TAPBPL: variants seen among roughly 807,000 people sequenced by gnomAD.
TAPBPL encodes the protein TAP binding protein like.
Under a neutral mutation model 44.8 loss-of-function variants are expected in TAPBPL, and 32 were observed. That is an observed-to-expected ratio of 0.71 (90% confidence interval 0.54 to 0.96). TAPBPL has a LOEUF of 0.96. Ranked by LOEUF, TAPBPL falls within the 40% of genes least tolerant of loss-of-function variation. The probability of loss-of-function intolerance (pLI) is 0.00; values close to 1 mark genes in which losing one functional copy is unlikely to be tolerated. For synonymous variants in TAPBPL, 230 were observed against 240.7 expected (o/e 0.96, Z 0.41); for missense variants, 520 against 586.6 (o/e 0.89, Z 1.17).
chr12:6,460,588 A>G (rs1949828726), intron 5 of TAPBPL, among the ~76,000 whole-genome samples: 4 of 152,170 alleles, frequency 2.6e-5, no homozygotes, highest in Admixed American at 2.6e-4. Flanking sequence ...TAACAAATAA[A>G]CCCACCTAAA....
At chr12:6,465,266 C>T (rs1010739238), downstream of TAPBPL, 4 of 439,514 alleles carry the variant, frequency 9.1e-6, no homozygotes, top group African/African-American at 8.3e-5. Flanking sequence ...TCAATTTTCA[C>T]TGTGAAGTGT....
In TAPBPL at chr12:6,453,111, C is replaced by T. The variant is rs746769713; in HGVS notation, c.109C>T (p.Leu37=). Residue 37 remains leucine, a synonymous_variant, in exon 2 of 7, where the codon CTA becomes TTA. Coordinates refer to ENST00000266556, the MANE Select transcript of TAPBPL (RefSeq NM_018009.5). The surrounding 1 kb of genome is among the most constrained non-coding windows in gnomAD (Gnocchi z 4.8). ...EGQWRAVDVV[L]DCFLAKDGAH... ...GCAGTGGCGGGCAGTGGACGTGGTC[C>T]TAGACTGCTTCCTGGCGAAGGACGG... The T allele has an allele frequency of 6.3e-7, 1 of 1,583,032 alleles. No homozygotes were observed. Among genetic ancestry groups the T allele is most frequent in the South Asian group, 1.2e-5 (1 of 86,948 alleles).
At chr12:6,461,485 C>T in intron 6 of TAPBPL, 1 of 986,690 alleles carries the variant, frequency 1.0e-6, no homozygotes, top group African/African-American at 1.7e-5. Context: ...GGCTACCCCT[C>T]CCAAACTCAG....
Position 6,453,006 on chromosome 12 carries a change from G to A in TAPBPL, c.65-61G>A, listed in dbSNP as rs942661930. The A allele has an allele frequency of 3.4e-6, 5 of 1,491,596 alleles. No individual in the cohort carries two copies. In the African/African-American group the frequency reaches 5.5e-5, roughly 17 times the overall value. 92.4% of individuals were successfully genotyped at this position (1,491,596 alleles called of 1,614,324 possible). On this transcript the variant is annotated intron_variant, in intron 1 of 6. Transcript: ENST00000266556. This position sits in a 1 kb window ranked among gnomAD's most constrained non-coding sequence, Gnocchi z 4.8. ...ACTCCACAGCTTGAGGGCGGGGGCA[G>A]GAAGCAAGTGTGGAGTAGCTTTCTG...
At position 6,452,080 on chromosome 12, in the gene TAPBPL, C is replaced by T; in HGVS notation, c.-169C>T. 1.3e-6 allele frequency: 1 copy of T among 777,254 alleles called. No individual in the cohort carries two copies. The highest frequency in any genetic ancestry group is 1.7e-5 in the South Asian group (1 of 58,964). The allele number at this position is 777,254 out of a possible 1,614,324, so 48.1% of individuals were successfully genotyped here. On this transcript the variant is annotated 5_prime_UTR_variant, in exon 1 of 7. Coordinates refer to ENST00000266556, the MANE Select transcript of TAPBPL (RefSeq NM_018009.5). ...CAGGGACGCGGGCTGCCATCTTGCT[C>T]TAAGTGAAAGTGAAAGAAAAGTCGG...
At chr12:6,452,789 G>GACTA (rs1275928022) in intron 1 of TAPBPL, among the ~76,000 whole-genome samples, 7 of 152,222 alleles carry the variant, frequency 4.6e-5, no homozygotes, top group African/African-American at 1.7e-4. Context: ...TGAAAAGATA[G>GACTA]TCTTTTATTC....
At chr12:6,459,071 T>C in intron 5 of TAPBPL, 124 bp downstream of exon 5, 1 of 1,123,034 alleles carries the variant, frequency 8.9e-7, no homozygotes. Flanking sequence ...TTCATGCTCC[T>C]GCCTCTGCTC....
downstream of TAPBPL, chr12:6,470,550 G>A (rs575881458): frequency 3.1e-6 from 5 of 1,613,670 alleles, no homozygotes; most frequent in African/African-American, 1.3e-5. Context: ...CAGAGAGAGT[G>A]AGGGTCTGTT....
Position 6,452,183 on chromosome 12 carries a change from C to T in TAPBPL, c.-66C>T, listed in dbSNP as rs1467862381. On this transcript the variant is annotated 5_prime_UTR_variant, in exon 1 of 7. Coordinates refer to ENST00000266556, the MANE Select transcript of TAPBPL (RefSeq NM_018009.5). ...TGGAGAGCCCCCTTCTTCCGCCGGGCCTCGCAAGCAGCGTAGGACTGTGGA... is the reference window on the plus strand; with the variant it reads ...TGGAGAGCCCCCTTCTTCCGCCGGGTCTCGCAAGCAGCGTAGGACTGTGGA... The T allele has an allele frequency of 1.3e-6, 2 of 1,541,232 alleles. No homozygotes were observed. Among genetic ancestry groups the T allele is most frequent in the East Asian group, 2.4e-5 (1 of 41,348 alleles).
At chr12:6,471,958 T>C in the TAPBPL span, among the ~76,000 whole-genome samples, 1 of 152,380 alleles carries the variant, frequency 6.6e-6, no homozygotes, top group East Asian at 1.9e-4. The surrounding 1 kb of genome is among the most constrained non-coding windows in gnomAD (Gnocchi z 4.0). Flanking sequence ...CTCTTGTGCA[T>C]GCATAAAAAG....
intron 3 of TAPBPL, among the ~76,000 whole-genome samples, chr12:6,455,895 G>C (rs1324806415): frequency 2.4e-4 from 36 of 151,744 alleles, no homozygotes; most frequent in Non-Finnish European, 4.4e-5. Flanking sequence ...CAAGTAGCTG[G>C]GATTATAGAC....
the TAPBPL span, among the ~76,000 whole-genome samples, chr12:6,471,660 C>T: frequency 6.6e-6 from 1 of 152,102 alleles, no homozygotes; most frequent in African/African-American, 2.4e-5. This position sits in a 1 kb window ranked among gnomAD's most constrained non-coding sequence, Gnocchi z 4.0. Context: ...AAACCTCTGT[C>T]TCTACTAAAA....
intron 1 of TAPBPL, 69 bp from the exon 2 acceptor site, chr12:6,452,998 C>CG (rs1469949606): frequency 1.9e-5 from 28 of 1,447,042 alleles, no homozygotes; most frequent in Non-Finnish European, 2.4e-5. Flanking sequence ...AGCTTGAGGG[C>CG]GGGGGCAGGA....
chr12:6,465,373 A>ATGTATATATATGTATATATATATATAC, downstream of TAPBPL: 1 of 104,214 alleles, frequency 9.6e-6, no homozygotes, highest in Non-Finnish European at 1.9e-5. Flanking sequence ...TATATATATA[A>ATGTATATATATGTATATATATATATAC]ATGTATATAT....
chr12:6,454,594 G>A (rs1222441804), intron 3 of TAPBPL, among the ~76,000 whole-genome samples: 2 of 152,134 alleles, frequency 1.3e-5, no homozygotes, highest in African/African-American at 4.8e-5. Flanking sequence ...CATCTCACTG[G>A]GCTGCCATGA....
chr12:6,452,381 C>A, intron 1 of TAPBPL, 69 bp downstream of exon 1: 2 of 1,526,602 alleles, frequency 1.3e-6, no homozygotes, highest in East Asian at 2.4e-5. Flanking sequence ...CCACCCTCCC[C>A]GAGATTCCAG....
chr12:6,457,704 T>C lies in TAPBPL; in HGVS notation c.864T>C (p.Ser288=). Residue 288 remains serine, a synonymous_variant, in exon 4 of 7, where the codon TCT becomes TCC. Coordinates refer to ENST00000266556, the MANE Select transcript of TAPBPL (RefSeq NM_018009.5). ...CCTACATTTGCCAGATCACCACCTC[T>C]CTGTACCGAGCTCAGCAGATCATCC... ...EGTYICQITT[S]LYRAQQIIQL... The C allele has an allele frequency of 6.2e-7, 1 of 1,607,750 alleles. No homozygotes were observed. The highest frequency in any genetic ancestry group is 8.5e-7 in the Non-Finnish European group (1 of 1,175,546).
At chr12:6,467,298 C>T (rs1298220673), downstream of TAPBPL, among the ~76,000 whole-genome samples, 1 of 152,078 alleles carries the variant, frequency 6.6e-6, no homozygotes, top group Non-Finnish European at 1.5e-5. Context: ...CAGAAGAAGA[C>T]AGGAAAATGC....
At position 6,458,639 on chromosome 12, in the gene TAPBPL, C is replaced by T. The variant is rs868800086; in HGVS notation, c.905-6C>T. The T allele has an allele frequency of 1.2e-6, 2 of 1,612,140 alleles. No individual in the cohort carries two copies. The highest frequency in any genetic ancestry group is 2.7e-5 in the African/African-American group (2 of 75,012). ...TGTGTAATCTTATTCCTCATTCTTT[C>T]TCCAGCTTCCCCTAAAGTACGACTG... On this transcript the variant is annotated splice_region_variant and splice_polypyrimidine_tract_variant and intron_variant, in intron 4 of 6. Coordinates refer to ENST00000266556, the MANE Select transcript of TAPBPL (RefSeq NM_018009.5).
Sources: allele counts gnomAD v4.1 joint callset (sites outside exome capture counted in the v4.1 genomes callset), GRCh38; gene constraint gnomAD v4.1.1; non-coding constraint Gnocchi (gnomAD v3.1); transcripts MANE v1.5; gene names NCBI Gene and HGNC (gene_info 2026-07-23, HGNC 2026-07-21).